The following FAM135B variants were observed in gnomAD, a reference collection of about 807,000 sequenced individuals.
FAM135B encodes family with sequence similarity 135 member B.
In FAM135B, 43 loss-of-function variants were observed where a neutral mutation model predicts 127.7. That is an observed-to-expected ratio of 0.34 (90% CI 0.26 to 0.43). The LOEUF (loss-of-function observed/expected upper bound fraction) is 0.43, where lower values mean the gene tolerates loss of function less well. FAM135B is among the 20% of genes least tolerant of loss of function. The pLI, the probability that FAM135B is intolerant of heterozygous loss-of-function variation, is 1.00. For missense variants in FAM135B, 1,558 were observed against 1,725.6 expected (o/e 0.90, Z 1.72); for synonymous variants, 670 against 665.1 (o/e 1.01, Z -0.11).
At chr8:138,145,495 T>C (rs1817573243) in intron 15 of FAM135B, among the ~76,000 whole-genome samples, 1 of 152,190 alleles carries the variant, frequency 6.6e-6, no homozygotes, top group African/African-American at 2.4e-5. Flanking sequence ...CAATGTGTGA[T>C]AGAACTGCCA....
At chr8:138,226,184 T>TGTGTGCGCGC in intron 7 of FAM135B, among the ~76,000 whole-genome samples, 1 of 139,202 alleles carries the variant, frequency 7.2e-6, no homozygotes. Context: ...TGTGTGTGTG[T>TGTGTGCGCGC]GCGCGCATGT....
At chr8:138,225,598 CA>C (rs1338570460) in intron 7 of FAM135B, among the ~76,000 whole-genome samples, 1 of 151,914 alleles carries the variant, frequency 6.6e-6, no homozygotes, top group East Asian at 1.9e-4. Context: ...TGTTGGAGGA[CA>C]AATGGTCTTA....
At chr8:138,216,512 G>T (rs1372654764) in intron 7 of FAM135B, among the ~76,000 whole-genome samples, 1 of 152,124 alleles carries the variant, frequency 6.6e-6, no homozygotes, top group Non-Finnish European at 1.5e-5. Context: ...ATGCAGGTAA[G>T]GGGTGCTGGG....
chr8:138,169,361 T>C (rs1315412024), intron 11 of FAM135B, among the ~76,000 whole-genome samples: 1 of 152,126 alleles, frequency 6.6e-6, no homozygotes, highest in Non-Finnish European at 1.5e-5. Flanking sequence ...AATGTTCTTC[T>C]CTGAATATTT....
At chr8:138,276,158 C>A (rs1039280117) in intron 3 of FAM135B, among the ~76,000 whole-genome samples, 2 of 152,192 alleles carry the variant, frequency 1.3e-5, no homozygotes, top group Non-Finnish European at 2.9e-5. Flanking sequence ...TCCTGAAACC[C>A]GTCCTGCTAA....
intron 2 of FAM135B, among the ~76,000 whole-genome samples, chr8:138,340,590 G>A (rs1828979256): frequency 6.6e-6 from 1 of 152,118 alleles, no homozygotes; most frequent in Admixed American, 6.6e-5. Flanking sequence ...TCCTGACCTA[G>A]GCATTGAGTA....
At chr8:138,260,322 G>C (rs1455097155) in intron 4 of FAM135B, among the ~76,000 whole-genome samples, 1 of 152,152 alleles carries the variant, frequency 6.6e-6, no homozygotes, top group African/African-American at 2.4e-5. Flanking sequence ...AAGCCGCTGG[G>C]CCCCTCAGCT....
At chr8:138,253,083 G>A (rs60803858) in intron 5 of FAM135B, among the ~76,000 whole-genome samples, 5,604 of 152,108 alleles carry the variant, frequency 0.037, 262 homozygotes, top group African/African-American at 0.1. Context: ...TTACAGGTGC[G>A]AGCCACCTTG....
At position 138,299,041 on chromosome 8, in the gene FAM135B, T is replaced by C. The variant is rs866399695; in HGVS notation, c.157+11800A>G. 3.3e-5 allele frequency among the ~76,000 whole-genome samples: 5 copies of C among 150,154 alleles called. No individual in the cohort carries two copies. The East Asian group carries it at 7.9e-4, about 24-fold the overall frequency. On this transcript the variant is annotated intron_variant, in intron 3 of 19. Coordinates refer to ENST00000395297, the MANE Select transcript of FAM135B (RefSeq NM_015912.4). ...CGCCACCGCACTCCAGCCTGGGCGA[T>C]AGAGTGAGATTCAGTCTCAAAATAA...
intron 1 of FAM135B, among the ~76,000 whole-genome samples, chr8:138,390,423 C>A (rs1563961762): frequency 1.3e-5 from 2 of 152,064 alleles, no homozygotes; most frequent in Non-Finnish European, 2.9e-5. Context: ...TGCCTTTTGC[C>A]TTCTGCCATG....
At chr8:138,239,914 C>T (rs1250359025) in intron 7 of FAM135B, among the ~76,000 whole-genome samples, 1 of 151,480 alleles carries the variant, frequency 6.6e-6, no homozygotes, top group Non-Finnish European at 1.5e-5. Context: ...AAACCAAACA[C>T]CGCATGTTCT....
chr8:138,445,895 C>T (rs1836124736), intron 1 of FAM135B, among the ~76,000 whole-genome samples: 1 of 152,140 alleles, frequency 6.6e-6, no homozygotes, highest in South Asian at 2.1e-4. Context: ...AATTGTATAT[C>T]TAGAAAACCC....
intron 1 of FAM135B, among the ~76,000 whole-genome samples, chr8:138,406,889 A>G (rs1406303560): frequency 6.6e-6 from 1 of 151,580 alleles, no homozygotes; most frequent in African/African-American, 2.4e-5. Flanking sequence ...TATTCAACAT[A>G]GTGTTGGAAG....
intron 2 of FAM135B, among the ~76,000 whole-genome samples, chr8:138,311,189 A>G (rs1252123545): frequency 1.3e-5 from 2 of 152,200 alleles, no homozygotes; most frequent in African/African-American, 4.8e-5. Flanking sequence ...GAAAAGAAAG[A>G]GATGGGTCAT....
In FAM135B at chr8:138,152,514, A is replaced by G. The variant is rs2130772412; in HGVS notation, c.1961T>C (p.Ile654Thr). ...GTGAGAGTCCTTTAGGGAAGACCTA[A>G]TATCTAAGGGCTCCCTCAGGGTAGA... is the stretch of plus-strand genomic sequence containing the variant. ...LSSTLREPLD[I>T]RSSLKDSHTE... is the part of the protein sequence containing the mutation. The change falls in exon 13 of 20, where the codon ATT becomes ACT. Residue 654 changes from isoleucine (I) to threonine (T), a missense_variant. By Grantham distance (89) the Ile-to-Thr change is moderately conservative. Around this residue, in one of 5 missense-constraint regions of FAM135B, gnomAD observed 923 missense variants for 865.3 expected, o/e 1.07. Coordinates refer to ENST00000395297, the MANE Select transcript of FAM135B (RefSeq NM_015912.4). 6.2e-7 allele frequency: 1 copy of G among 1,614,140 alleles called. No homozygotes were observed. Among genetic ancestry groups the G allele is most frequent in the Non-Finnish European group, 8.5e-7 (1 of 1,180,030 alleles).
chr8:138,397,989 C>A (rs1032794621), intron 1 of FAM135B, among the ~76,000 whole-genome samples: 1 of 152,150 alleles, frequency 6.6e-6, no homozygotes, highest in Non-Finnish European at 1.5e-5. Flanking sequence ...GCTTCCAGCA[C>A]CTTTGCACAC....
intron 1 of FAM135B, among the ~76,000 whole-genome samples, chr8:138,428,293 C>G (rs1161446278): frequency 6.6e-6 from 1 of 152,120 alleles, no homozygotes; most frequent in African/African-American, 2.4e-5. Flanking sequence ...GCCTACAGAA[C>G]TTGGGACTCA....
In FAM135B at chr8:138,152,513, A is replaced by G. The variant is rs2130772370; in HGVS notation, c.1962T>C (p.Ile654=). The G allele has an allele frequency of 6.2e-7, 1 of 1,614,118 alleles. No homozygotes were observed. Among genetic ancestry groups the G allele is most frequent in the Non-Finnish European group, 8.5e-7 (1 of 1,180,032 alleles). ...LSSTLREPLD[I]RSSLKDSHTE... ...TGTGAGAGTCCTTTAGGGAAGACCT[A>G]ATATCTAAGGGCTCCCTCAGGGTAG... Residue 654 remains isoleucine (I), a synonymous_variant, in exon 13 of 20, where the codon ATT becomes ATC. Coordinates refer to ENST00000395297, the MANE Select transcript of FAM135B (RefSeq NM_015912.4).
chr8:138,301,926 G>T (rs1825914355), intron 3 of FAM135B, among the ~76,000 whole-genome samples: 1 of 152,134 alleles, frequency 6.6e-6, no homozygotes, highest in Non-Finnish European at 1.5e-5. Flanking sequence ...AGGGTTCAGA[G>T]AGAGCTCTGG....
Sources: allele counts gnomAD v4.1 joint callset (sites outside exome capture counted in the v4.1 genomes callset), GRCh38; gene constraint gnomAD v4.1.1; regional missense constraint gnomAD v4.1.1; transcripts MANE v1.5; gene names NCBI Gene and HGNC (gene_info 2026-07-23, HGNC 2026-07-21).